AKAP19: variants seen among roughly 807,000 people sequenced by gnomAD.
The protein encoded by AKAP19 is small A-kinase anchoring protein.
chr2:190,035,314 C>T, the AKAP19 span, among the ~76,000 whole-genome samples: 1 of 151,884 alleles, frequency 6.6e-6, no homozygotes, highest in African/African-American at 2.4e-5. Context: ...ACCTGTAATC[C>T]CAGCTACTCA....
the AKAP19 span, chr2:189,924,058 G>C: frequency 6.5e-7 from 1 of 1,534,604 alleles, no homozygotes; most frequent in Non-Finnish European, 9.0e-7. Context: ...TGGAGTCTGA[G>C]GGGGGTGCAG....
chr2:189,943,215 C>A, the AKAP19 span, among the ~76,000 whole-genome samples: 1 of 152,202 alleles, frequency 6.6e-6, no homozygotes, highest in African/African-American at 2.4e-5. Flanking sequence ...TGGGCCAGGA[C>A]CAGGGCTCTG....
the AKAP19 span, among the ~76,000 whole-genome samples, chr2:190,031,022 G>T: frequency 2.6e-5 from 4 of 152,170 alleles, no homozygotes; most frequent in Admixed American, 2.0e-4. Context: ...TGCAAATGGG[G>T]TATAATGGCT....
chr2:189,887,623 C>T, the AKAP19 span, among the ~76,000 whole-genome samples: 2 of 152,204 alleles, frequency 1.3e-5, no homozygotes, highest in Non-Finnish European at 2.9e-5. Flanking sequence ...ACATCCTCTC[C>T]ACCATCTGTC....
At chr2:190,097,250 A>C in the AKAP19 span, among the ~76,000 whole-genome samples, 101 of 151,954 alleles carry the variant, frequency 6.6e-4, no homozygotes, top group African/African-American at 2.3e-3. Flanking sequence ...ACAGGCCCCA[A>C]TGTGTGTTGT....
chr2:190,052,669 T>A, the AKAP19 span, among the ~76,000 whole-genome samples: 1 of 152,168 alleles, frequency 6.6e-6, no homozygotes, highest in Non-Finnish European at 1.5e-5. Flanking sequence ...TCATAAGACG[T>A]TAAAGAGAAA....
chr2:189,881,903 A>T, the AKAP19 span, among the ~76,000 whole-genome samples: 3 of 152,216 alleles, frequency 2.0e-5, no homozygotes, highest in Non-Finnish European at 4.4e-5. Flanking sequence ...GGTAGAACTG[A>T]TTCACTTTAT....
At chr2:190,068,459 A>T in the AKAP19 span, among the ~76,000 whole-genome samples, 2 of 152,114 alleles carry the variant, frequency 1.3e-5, no homozygotes, top group African/African-American at 4.8e-5. Context: ...CCTCCTGAGT[A>T]GCTGGGATTA....
chr2:190,100,282 G>A, the AKAP19 span, among the ~76,000 whole-genome samples: 3 of 152,266 alleles, frequency 2.0e-5, no homozygotes, highest in East Asian at 5.8e-4. Flanking sequence ...ATGCCAAGAT[G>A]GGGAGTCTGA....
the AKAP19 span, among the ~76,000 whole-genome samples, chr2:189,978,987 T>A: frequency 1.3e-5 from 2 of 152,176 alleles, no homozygotes; most frequent in Non-Finnish European, 1.5e-5. Flanking sequence ...ATCAATATCA[T>A]TAAAATGACC....
the AKAP19 span, among the ~76,000 whole-genome samples, chr2:189,932,506 T>C: frequency 6.6e-6 from 1 of 152,146 alleles, no homozygotes; most frequent in East Asian, 1.9e-4. Context: ...ACCACATTTA[T>C]TAGTTGGAAT....
At chr2:189,941,673 T>G in the AKAP19 span, among the ~76,000 whole-genome samples, 21 of 152,014 alleles carry the variant, frequency 1.4e-4, no homozygotes, top group Non-Finnish European at 2.6e-4. Context: ...TGTAATAGAT[T>G]CCCTAAAAAT....
chr2:190,181,066 G>A, the AKAP19 span: 1 of 985,608 alleles, frequency 1.0e-6, no homozygotes, highest in Non-Finnish European at 1.2e-6. Flanking sequence ...CCCCACGGCT[G>A]TCCGGACGTG....
At chr2:189,964,021 T>A in the AKAP19 span, among the ~76,000 whole-genome samples, 1 of 152,224 alleles carries the variant, frequency 6.6e-6, no homozygotes, top group Non-Finnish European at 1.5e-5. Context: ...CTCAAAGTAC[T>A]GGGACTGCAG....
the AKAP19 span, among the ~76,000 whole-genome samples, chr2:189,943,570 C>T: frequency 6.6e-6 from 1 of 152,190 alleles, no homozygotes; most frequent in Non-Finnish European, 1.5e-5. Flanking sequence ...GGGACACTGC[C>T]CAGTGATGCT....
At chr2:190,163,774 G>A in the AKAP19 span, among the ~76,000 whole-genome samples, 5 of 152,316 alleles carry the variant, frequency 3.3e-5, no homozygotes, top group Non-Finnish European at 7.3e-5. Context: ...TAGGCCCTTT[G>A]TTACGAGCTC....
the AKAP19 span, among the ~76,000 whole-genome samples, chr2:189,925,551 C>G: frequency 6.6e-6 from 1 of 152,138 alleles, no homozygotes; most frequent in South Asian, 2.1e-4. Flanking sequence ...GTTAGATGTT[C>G]CTGAAAGACA....
At chr2:189,929,071 T>C in the AKAP19 span, among the ~76,000 whole-genome samples, 1 of 152,206 alleles carries the variant, frequency 6.6e-6, no homozygotes, top group African/African-American at 2.4e-5. Flanking sequence ...CCTTCTTTTT[T>C]GAGATCACAA....
At chr2:190,092,114 T>C in the AKAP19 span, among the ~76,000 whole-genome samples, 5 of 152,204 alleles carry the variant, frequency 3.3e-5, no homozygotes, top group South Asian at 1.0e-3. Context: ...TTAGATTCTT[T>C]CAGATTTTTG....
Sources: gnomAD v4.1 joint callset for allele counts (sites outside exome capture counted in the v4.1 genomes callset) on GRCh38, gnomAD v4.1.1 for gene constraint, MANE v1.5 for transcripts, NCBI Gene and HGNC (gene_info 2026-07-23, HGNC 2026-07-21) for gene names.